LTBP4: variants seen among roughly 807,000 people sequenced by gnomAD.
The protein encoded by LTBP4 is latent-transforming growth factor beta-binding protein 4.
In LTBP4, 93 loss-of-function variants were observed where a neutral mutation model predicts 180.2. The observed-to-expected ratio is 0.52, with a 90% CI of 0.44 to 0.61. The LOEUF is 0.61. Among genes scored for constraint, LTBP4 ranks in the 20% least tolerant of loss-of-function variants. LTBP4 has a pLI of 0.00. For missense variants in LTBP4, 2,116 were observed against 2,256.5 expected (o/e 0.94, Z 1.26); for synonymous variants, 947 against 934.5 (o/e 1.01, Z -0.24).
At position 40,617,143 on chromosome 19, in the gene LTBP4, C is replaced by T. The variant is rs780903989; in HGVS notation, c.2988C>T (p.Ala996=). 29 of 1,613,936 alleles carry T rather than the reference C, an allele frequency of 1.8e-5. No homozygotes were observed. Among genetic ancestry groups the T allele is most frequent in the South Asian group, 8.8e-5 (8 of 91,080 alleles). ...CRNRSFCGAH[A]VCQNLPGSFQ... The stretch of plus-strand genomic sequence containing the variant: ...ACCGGTCCTTCTGCGGTGCCCACGC[C>T]GTGTGCCAGAACCTGCCCGGCTCCT... The change falls in exon 21 of 30, where the codon GCC becomes GCT. Residue 996 remains alanine (A), a synonymous_variant. Transcript: ENST00000396819.
chr19:40,608,186 T>G, intron 7 of LTBP4, 34 bp from the exon 8 acceptor site: 1 of 1,613,124 alleles, frequency 6.2e-7, no homozygotes, highest in Non-Finnish European at 8.5e-7. Flanking sequence ...TCCCGCTCTC[T>G]TGTCCTCTCT....
chr19:40,620,666 T>C (rs12980111), intron 22 of LTBP4, among the ~76,000 whole-genome samples: 71,653 of 149,896 alleles, frequency 0.48, 17,880 homozygotes, highest in African/African-American at 0.62. Flanking sequence ...ATCCCAGCTA[T>C]TCGAAAGGCT....
Position 40,607,404 on chromosome 19 carries a change from G to C in LTBP4, c.1031G>C (p.Arg344Pro). The C allele has an allele frequency of 6.2e-7, 1 of 1,613,000 alleles. No homozygotes were observed. Among genetic ancestry groups the C allele is most frequent in the Non-Finnish European group, 8.5e-7 (1 of 1,179,592 alleles). ...VISEAKGPCF[R>P]VLRDGGCSLP... Reference sequence around the variant, plus strand: ...TCAGAGGCCAAAGGGCCCTGCTTCCGCGTGCTCCGCGACGGCGGCTGTTCG... The same window carrying C: ...TCAGAGGCCAAAGGGCCCTGCTTCCCCGTGCTCCGCGACGGCGGCTGTTCG... The change falls in exon 7 of 30, where the codon CGC (arginine) becomes CCC (proline). Residue 344 changes from arginine (R) to proline (P), a missense_variant. Physicochemically the swap from Arg to Pro is moderately radical, Grantham distance 103. This residue lies in a region of LTBP4 where 469 missense variants were observed against 532.5 expected (regional missense o/e 0.88). Coordinates refer to ENST00000396819, the MANE Select transcript of LTBP4 (RefSeq NM_001042545.2).
intron 11 of LTBP4, 21 bp from the exon 12 acceptor site, chr19:40,610,510 GC>G: frequency 1.3e-6 from 2 of 1,579,096 alleles, no homozygotes; most frequent in Non-Finnish European, 1.7e-6. Context: ...CCCAGTCCCA[GC>G]CGCCTGGTCT....
Position 40,622,405 on chromosome 19 carries a change from G to A in LTBP4, c.3222G>A (p.Thr1074=), listed in dbSNP as rs1471572215. The A allele has an allele frequency of 1.2e-5, 18 of 1,530,428 alleles. No individual in the cohort carries two copies. Among genetic ancestry groups the A allele is most frequent in the African/African-American group, 1.4e-5 (1 of 73,304 alleles). 94.8% of individuals were successfully genotyped at this position (1,530,428 alleles called of 1,614,324 possible). Reference sequence around the variant, plus strand: ...TAAAGCTCCTTGTCTCCCCAGGCACGTTCCCAGGCTCGCAGCCCCAGGCAC... The same window carrying A: ...TAAAGCTCCTTGTCTCCCCAGGCACATTCCCAGGCTCGCAGCCCCAGGCAC... The part of the protein sequence containing the change: ...RCVPPRTSAG[T]FPGSQPQAPA... The change falls in exon 23 of 30, where the codon ACG becomes ACA. Residue 1074 remains threonine (T), a synonymous_variant. Transcript: ENST00000396819. This position sits in a 1 kb window ranked among gnomAD's most constrained non-coding sequence, Gnocchi z 5.1.
chr19:40,618,829 C>T (rs2081567153), intron 21 of LTBP4, among the ~76,000 whole-genome samples: 1 of 152,102 alleles, frequency 6.6e-6, no homozygotes, highest in Admixed American at 6.6e-5. Context: ...ATTTGAACTC[C>T]AGGCATAACT....
Position 40,626,975 on chromosome 19 carries a change from A to T in LTBP4, c.3986A>T (p.Asp1329Val). The T allele has an allele frequency of 6.5e-7, 1 of 1,542,728 alleles. No individual in the cohort carries two copies. The highest frequency in any genetic ancestry group is 8.8e-7 in the Non-Finnish European group (1 of 1,141,326). The change falls in exon 28 of 30, where the codon GAT becomes GTT. Residue 1329 changes from aspartate (D) to valine (V), a missense_variant and splice_region_variant. Asp to Val is a radical substitution (Grantham distance 152). Coordinates refer to ENST00000396819, the MANE Select transcript of LTBP4 (RefSeq NM_001042545.2). ...DCALCPAQDS[D>V]DFEALCNVLR... is the part of the protein sequence containing the mutation. The stretch of plus-strand genomic sequence containing the variant: ...TGTTTGCCTTGGCTCCTGTTCCCAG[A>T]TGACTTCGAGGCCCTGTGCAATGTG...
At position 40,605,007 on chromosome 19, in the gene LTBP4, C is replaced by T; in HGVS notation, c.251-28C>T. ...GGAGAACCTGCCAGGAATGGTGGCG[C>T]CCCTGAGTGTCCTCGTTCTCCTCCC... On this transcript the variant is annotated intron_variant, in intron 1 of 29. Coordinates refer to ENST00000396819, the MANE Select transcript of LTBP4 (RefSeq NM_001042545.2). The surrounding 1 kb of genome is among the most constrained non-coding windows in gnomAD (Gnocchi z 5.5). 1 of 1,588,670 alleles carries T rather than the reference C, an allele frequency of 6.3e-7. No homozygotes were observed. The highest frequency in any genetic ancestry group is 8.6e-7 in the Non-Finnish European group (1 of 1,163,012).
chr19:40,606,887 A>G (rs751432365), intron 6 of LTBP4, among the ~76,000 whole-genome samples: 9 of 152,162 alleles, frequency 5.9e-5, no homozygotes, highest in African/African-American at 9.7e-5. Flanking sequence ...AGCTAGAACT[A>G]CAGGCGGGCA....
chr19:40,603,124 CCCTCCCA>C (rs1451621150), intron 1 of LTBP4, among the ~76,000 whole-genome samples: 2 of 152,182 alleles, frequency 1.3e-5, no homozygotes, highest in Non-Finnish European at 2.9e-5. Flanking sequence ...TCTCATTCTT[CCCTCCCA>C]CCTCCCAAAC....
intron 7 of LTBP4, 145 bp downstream of exon 7, chr19:40,607,674 G>C: frequency 2.3e-6 from 2 of 871,006 alleles, no homozygotes; most frequent in Non-Finnish European, 3.4e-6. Context: ...AGACCCGCAG[G>C]CCTCAGACTG....
chr19:40,607,275 A>AAC, intron 6 of LTBP4, 90 bp from the exon 7 acceptor site: 18 of 657,090 alleles, frequency 2.7e-5, no homozygotes, highest in South Asian at 3.8e-5. Context: ...CCCACCCCCA[A>AAC]CCCCAGAACC....
chr19:40,624,264 G>C (rs1035841889), intron 26 of LTBP4, among the ~76,000 whole-genome samples, 182 bp downstream of exon 26: 1 of 145,590 alleles, frequency 6.9e-6, no homozygotes, highest in Non-Finnish European at 1.5e-5. Flanking sequence ...GAGGCGAGCT[G>C]GCTAGGTGGT....
chr19:40,623,088 C>G (rs1432159131), intron 24 of LTBP4, 67 bp downstream of exon 24: 2 of 1,273,712 alleles, frequency 1.6e-6, no homozygotes, highest in Non-Finnish European at 2.2e-6. Flanking sequence ...TTCCTGTTTT[C>G]TTTGCCTCTG....
In LTBP4 at chr19:40,613,225, T is replaced by C; in HGVS notation, c.2431+29T>C. ...AGCAGCATAGGGACCCGCCAGAGAG[T>C]CTGGGAGTAGGGCCTGGGTTCCAGG... is the stretch of plus-strand genomic sequence containing the variant. On this transcript the variant is annotated intron_variant, in intron 16 of 29. Transcript: ENST00000396819. The surrounding 1 kb of genome is among the most constrained non-coding windows in gnomAD (Gnocchi z 5.0). The C allele has an allele frequency of 6.4e-7, 1 of 1,552,524 alleles. No homozygotes were observed. Among genetic ancestry groups the C allele is most frequent in the Non-Finnish European group, 8.7e-7 (1 of 1,146,812 alleles).
chr19:40,596,313 C>A (rs1005079010), intron 1 of LTBP4, among the ~76,000 whole-genome samples: 1 of 152,194 alleles, frequency 6.6e-6, no homozygotes, highest in African/African-American at 2.4e-5. Flanking sequence ...TCCACCTCGG[C>A]CTTCCAAAGT....
intron 26 of LTBP4, among the ~76,000 whole-genome samples, chr19:40,625,315 TA>T (rs1271312280): frequency 1.5e-4 from 5 of 34,102 alleles, no homozygotes; most frequent in Non-Finnish European, 2.3e-4. Context: ...TATATATATA[TA>T]TTTTTTTTTT....
intron 1 of LTBP4, among the ~76,000 whole-genome samples, chr19:40,593,661 G>T (rs2081377209): frequency 6.7e-6 from 1 of 150,150 alleles, no homozygotes; most frequent in African/African-American, 2.5e-5. Context: ...CTAGAATATG[G>T]TGGTGTTTTG....
chr19:40,601,127 C>T (rs1278699967), upstream of LTBP4, among the ~76,000 whole-genome samples: 1 of 152,164 alleles, frequency 6.6e-6, no homozygotes, highest in Admixed American at 6.5e-5. Context: ...CGCTCCCCTA[C>T]AGGCCCGGTC....
Sources: allele counts gnomAD v4.1 joint callset (sites outside exome capture counted in the v4.1 genomes callset), GRCh38; gene constraint gnomAD v4.1.1; regional missense constraint gnomAD v4.1.1; non-coding constraint Gnocchi (gnomAD v3.1); transcripts MANE v1.5; gene names NCBI Gene and HGNC (gene_info 2026-07-23, HGNC 2026-07-21).